CDKAL1: variants seen among roughly 807,000 people sequenced by gnomAD.
The protein encoded by CDKAL1 is threonylcarbamoyladenosine tRNA methylthiotransferase.
Under a neutral mutation model 68.2 loss-of-function variants are expected in CDKAL1, and 32 were observed. That is an observed-to-expected ratio of 0.47 (90% CI 0.35 to 0.63). The LOEUF is 0.63. Ranked by LOEUF, CDKAL1 falls within the 30% of genes least tolerant of loss-of-function variation. The probability of loss-of-function intolerance (pLI) is 0.00; values close to 1 mark genes in which losing one functional copy is unlikely to be tolerated. For synonymous variants in CDKAL1, 234 were observed against 244.3 expected (o/e 0.96, Z 0.39); for missense variants, 606 against 696.7 (o/e 0.87, Z 1.47).
intron 10 of CDKAL1, among the ~76,000 whole-genome samples, chr6:20,986,440 C>A (rs892148439): frequency 1.3e-5 from 2 of 151,944 alleles, no homozygotes; most frequent in Admixed American, 6.6e-5. Context: ...AAGAAACATG[C>A]ATTGCTTTTA....
At chr6:20,952,363 T>G (rs966493038) in intron 9 of CDKAL1, among the ~76,000 whole-genome samples, 1 of 152,186 alleles carries the variant, frequency 6.6e-6, no homozygotes, top group East Asian at 1.9e-4. Flanking sequence ...TGTGTCCATT[T>G]TAAGCTAGCC....
At chr6:20,990,729 A>T (rs1321491374) in intron 10 of CDKAL1, among the ~76,000 whole-genome samples, 1 of 152,266 alleles carries the variant, frequency 6.6e-6, no homozygotes, top group Non-Finnish European at 1.5e-5. Flanking sequence ...AGTAGCTGTT[A>T]CAGTGCCATT....
intron 4 of CDKAL1, among the ~76,000 whole-genome samples, chr6:20,596,736 A>G (rs1765843178): frequency 6.6e-6 from 1 of 152,196 alleles, no homozygotes; most frequent in Non-Finnish European, 1.5e-5. Flanking sequence ...CAGCTAGCTC[A>G]GTGTCTGAAT....
At chr6:20,825,862 G>A (rs941869028) in intron 8 of CDKAL1, among the ~76,000 whole-genome samples, 1 of 152,080 alleles carries the variant, frequency 6.6e-6, no homozygotes, top group African/African-American at 2.4e-5. Context: ...CAAGACCCCT[G>A]TAGTCTTATT....
At chr6:20,946,613 T>C (rs947874534) in intron 9 of CDKAL1, among the ~76,000 whole-genome samples, 3 of 150,184 alleles carry the variant, frequency 2.0e-5, no homozygotes, top group Admixed American at 1.3e-4. Context: ...TTTTTTTTTT[T>C]TGAGACAGAG....
At chr6:20,651,068 T>C (rs1226201924) in intron 5 of CDKAL1, among the ~76,000 whole-genome samples, 1 of 151,240 alleles carries the variant, frequency 6.6e-6, no homozygotes, top group Non-Finnish European at 1.5e-5. Context: ...AATTTTAAAG[T>C]TTTTTTTTCT....
chr6:20,732,283 T>TTTTTTTTTG (rs1554112044), intron 5 of CDKAL1, among the ~76,000 whole-genome samples: 1 of 117,488 alleles, frequency 8.5e-6, no homozygotes, highest in African/African-American at 2.9e-5. Flanking sequence ...TTTTTTTTTT[T>TTTTTTTTTG]TTGTTGTTGT....
intron 4 of CDKAL1, among the ~76,000 whole-genome samples, chr6:20,633,290 C>A (rs1767754605): frequency 6.6e-6 from 1 of 152,176 alleles, no homozygotes; most frequent in Admixed American, 6.5e-5. Context: ...AATCAGACAA[C>A]CTATGTTCTT....
intron 13 of CDKAL1, among the ~76,000 whole-genome samples, chr6:21,156,505 C>A (rs763005877): frequency 2.8e-4 from 42 of 151,538 alleles, no homozygotes; most frequent in Non-Finnish European, 5.4e-4. Context: ...TAGCAGAATC[C>A]CTTTTTTTCC....
intron 4 of CDKAL1, among the ~76,000 whole-genome samples, chr6:20,549,597 T>C (rs987625379): frequency 6.7e-6 from 1 of 149,612 alleles, no homozygotes; most frequent in Non-Finnish European, 1.5e-5. Flanking sequence ...TTTATTTATT[T>C]ATTTATTTAT....
rs773518478 is a variant in CDKAL1 at position 21,065,136 on chromosome 6, G to A, written c.1144G>A (p.Glu382Lys). The A allele has an allele frequency of 1.2e-6, 2 of 1,609,002 alleles. No homozygotes were observed. Among genetic ancestry groups the A allele is most frequent in the South Asian group, 1.1e-5 (1 of 89,114 alleles). ...TTTTCAAGAAACAGTGAAACTTGTTGAAGAGTACAAATTCCCAAGCCTGTT... is the reference window on the plus strand; with the variant it reads ...TTTTCAAGAAACAGTGAAACTTGTTAAAGAGTACAAATTCCCAAGCCTGTT... ...QDFQETVKLVEEYKFPSLFIN... is the reference protein window; with the variant it reads ...QDFQETVKLVKEYKFPSLFIN... The change falls in exon 12 of 16, where the codon GAA (glutamate) becomes AAA (lysine). Residue 382 changes from glutamate (E) to lysine (K), a missense_variant. Glu to Lys is a moderately conservative substitution (Grantham distance 56). Coordinates refer to ENST00000274695, the MANE Select transcript of CDKAL1 (RefSeq NM_017774.3).
At position 20,811,458 on chromosome 6, in the gene CDKAL1, C is replaced by A. The variant is rs181765458; in HGVS notation, c.638+30193C>A. Among the ~76,000 whole-genome samples the A allele has an allele frequency of 1.3e-5, 2 of 151,794 alleles. 1 individual carries two copies. Among genetic ancestry groups the A allele is most frequent in the East Asian group, 3.9e-4 (2 of 5,172 alleles). ...TTTTTGTCTGTTGTTTCATTTTTTT[C>A]TTTCTTCGTTTTTTGCAGTTTATTT... On this transcript the variant is annotated intron_variant, in intron 8 of 15. Coordinates refer to ENST00000274695, the MANE Select transcript of CDKAL1 (RefSeq NM_017774.3).
At chr6:20,922,687 C>T (rs1763012268) in intron 9 of CDKAL1, among the ~76,000 whole-genome samples, 1 of 152,162 alleles carries the variant, frequency 6.6e-6, no homozygotes, top group Non-Finnish European at 1.5e-5. Context: ...TTTATAAGAT[C>T]TGACTTAGAA....
At chr6:20,996,375 C>T (rs1035562634) in intron 10 of CDKAL1, among the ~76,000 whole-genome samples, 1 of 152,196 alleles carries the variant, frequency 6.6e-6, no homozygotes, top group Admixed American at 6.5e-5. Flanking sequence ...CATACCTTCC[C>T]CACTAAGGTT....
chr6:20,566,599 A>G (rs947748077), intron 4 of CDKAL1, among the ~76,000 whole-genome samples: 1 of 152,178 alleles, frequency 6.6e-6, no homozygotes, highest in Non-Finnish European at 1.5e-5. Flanking sequence ...CATTGGTTTT[A>G]TTAAGCAAGG....
intron 10 of CDKAL1, among the ~76,000 whole-genome samples, chr6:20,979,659 C>T (rs1021638414): frequency 1.3e-5 from 2 of 151,740 alleles, no homozygotes; most frequent in Non-Finnish European, 2.9e-5. Flanking sequence ...GGAGTGCGGC[C>T]GACGAAGTCC....
chr6:20,842,637 G>C (rs1278976863), intron 8 of CDKAL1, among the ~76,000 whole-genome samples: 1 of 152,150 alleles, frequency 6.6e-6, no homozygotes, highest in Non-Finnish European at 1.5e-5. Context: ...TTCGAGACCA[G>C]CCTGACCAAC....
intron 9 of CDKAL1, among the ~76,000 whole-genome samples, chr6:20,931,066 G>C (rs1369324997): frequency 6.6e-6 from 1 of 152,144 alleles, no homozygotes; most frequent in East Asian, 1.9e-4. Flanking sequence ...TCATAGACCA[G>C]GAAACCTAAG....
At chr6:20,956,028 A>G (rs1033826894) in intron 10 of CDKAL1, among the ~76,000 whole-genome samples, 3 of 152,160 alleles carry the variant, frequency 2.0e-5, no homozygotes, top group African/African-American at 7.2e-5. Context: ...TGAATTTTCA[A>G]TTTCATCCCT....
Sources: allele counts gnomAD v4.1 joint callset (sites outside exome capture counted in the v4.1 genomes callset), GRCh38; gene constraint gnomAD v4.1.1; transcripts MANE v1.5; gene names NCBI Gene and HGNC (gene_info 2026-07-23, HGNC 2026-07-21).